The following CTU2 variants were observed in gnomAD, a reference collection of about 807,000 sequenced individuals.
CTU2 encodes cytoplasmic tRNA 2-thiolation protein 2.
In CTU2, 80 loss-of-function variants were observed where a neutral mutation model predicts 64.1. The observed-to-expected ratio is 1.25, with a 90% CI of 1.04 to 1.50. The LOEUF is 1.50. CTU2 is among the 40% of genes most tolerant of loss of function. CTU2 has a pLI of 0.00. For synonymous variants in CTU2, 482 were observed against 285.3 expected (o/e 1.69, Z -6.95); for missense variants, 1,110 against 690.2 (o/e 1.61, Z -6.81).
Position 88,711,666 on chromosome 16 carries a change from G to T in CTU2, c.314G>T (p.Arg105Leu), listed in dbSNP as rs754271225. Residue 105 changes from arginine (R) to leucine (L), a missense_variant, in exon 5 of 15, where the codon CGC becomes CTC. Coordinates refer to ENST00000453996, the MANE Select transcript of CTU2 (RefSeq NM_001012759.3). ...GLSQDSAKRL[R>L]FVAGVIFVDE... ...AGCCAAGATTCTGCCAAAAGACTGC[G>T]CTTTGTGGCAGGAGTCATCTTTGTT... 9.9e-6 allele frequency: 16 copies of T among 1,608,324 alleles called. No homozygotes were observed. The highest frequency in any genetic ancestry group is 1.7e-5 in the Admixed American group (1 of 59,716).
At position 88,712,831 on chromosome 16, in the gene CTU2, G is replaced by T; in HGVS notation, c.663G>T (p.Gln221His). The T allele has an allele frequency of 6.3e-7, 1 of 1,592,224 alleles. No individual in the cohort carries two copies. Among genetic ancestry groups the T allele is most frequent in the South Asian group, 1.1e-5 (1 of 88,324 alleles). Reference protein sequence around the residue: ...QNLARPPAPAQTEALSQLFCS... With the variant: ...QNLARPPAPAHTEALSQLFCS... ...TGGCAAGACCGCCTGCCCCTGCCCA[G>T]ACTGAGGCTCTTTCCCAACTGTTCT... is the stretch of plus-strand genomic sequence containing the variant. The change falls in exon 7 of 15, where the codon CAG becomes CAT. Residue 221 changes from glutamine (Q) to histidine (H), a missense_variant. Gln to His is a conservative substitution (Grantham distance 24). Transcript: ENST00000453996.
intron 1 of CTU2, 103 bp downstream of exon 1, chr16:88,706,701 A>C: frequency 5.9e-6 from 5 of 854,380 alleles, no homozygotes; most frequent in Non-Finnish European, 8.2e-6. Flanking sequence ...CCCCGCGTGG[A>C]GAGCGGGACC....
In CTU2 at chr16:88,712,799, C is replaced by A; in HGVS notation, c.631C>A (p.Gln211Lys). 6.2e-7 allele frequency: 1 copy of A among 1,607,742 alleles called. No homozygotes were observed. Among genetic ancestry groups the A allele is most frequent in the Non-Finnish European group, 8.5e-7 (1 of 1,177,740 alleles). Reference sequence around the variant, plus strand: ...GCCACCCCAGCCCCCGCTGGACCCCCAGAACCTGGCAAGACCGCCTGCCCC... The same window carrying A: ...GCCACCCCAGCCCCCGCTGGACCCCAAGAACCTGGCAAGACCGCCTGCCCC... Reference protein sequence around the residue: ...EQPPQPPLDPQNLARPPAPAQ... With the variant: ...EQPPQPPLDPKNLARPPAPAQ... The change falls in exon 7 of 15, where the codon CAG (glutamine) becomes AAG (lysine). Residue 211 changes from glutamine to lysine, a missense_variant. By Grantham distance (53) the Gln-to-Lys change is moderately conservative. Transcript: ENST00000453996.
chr16:88,711,529 T>C, intron 4 of CTU2, 106 bp from the exon 5 acceptor site: 2 of 1,181,376 alleles, frequency 1.7e-6, no homozygotes, highest in Non-Finnish European at 2.4e-6. Context: ...GGAAGACCAC[T>C]TCACCTTCCA....
chr16:88,706,620 C>G, intron 1 of CTU2, 22 bp downstream of exon 1: 1 of 1,381,678 alleles, frequency 7.2e-7, no homozygotes, highest in Non-Finnish European at 9.3e-7. Flanking sequence ...CGGCCGGACC[C>G]GCCAGGCCGC....
Position 88,710,139 on chromosome 16 carries a change from A to G in CTU2, c.223-84A>G. ...GCTCCTCCTTGGCCTTTGAGGACAG[A>G]CTCGATGTCCTAGATGTCCACGAGG... is the stretch of plus-strand genomic sequence containing the variant. On this transcript the variant is annotated intron_variant, in intron 3 of 14. Coordinates refer to ENST00000453996, the MANE Select transcript of CTU2 (RefSeq NM_001012759.3). 2.5e-6 allele frequency: 4 copies of G among 1,579,572 alleles called. No individual in the cohort carries two copies. The South Asian group carries it at 4.4e-5, about 18-fold the overall frequency.
intron 6 of CTU2, 32 bp downstream of exon 6, chr16:88,712,415 G>T: frequency 6.5e-7 from 1 of 1,543,382 alleles, no homozygotes; most frequent in Non-Finnish European, 8.8e-7. Context: ...AGGGGTCCCG[G>T]AGGTGACCCC....
Position 88,715,053 on chromosome 16 carries a change from A to C in CTU2, c.1425A>C (p.Ser475=). The change falls in exon 14 of 15, where the codon TCA becomes TCC. Residue 475 remains serine (S), a synonymous_variant. Coordinates refer to ENST00000453996, the MANE Select transcript of CTU2 (RefSeq NM_001012759.3). The part of the protein sequence containing the change: ...SCRVNMKDLP[S]LDPLPPYILA... ...GACACCGGCCTCTGTTGCAGCCCTC[A>C]CTGGACCCCCTGCCGCCGTACATCC... The C allele has an allele frequency of 1.3e-6, 2 of 1,573,686 alleles. No individual in the cohort carries two copies. The highest frequency in any genetic ancestry group is 1.3e-5 in the African/African-American group (1 of 74,462).
chr16:88,706,619 C>T (rs916282992), intron 1 of CTU2, 21 bp downstream of exon 1: 14 of 1,381,620 alleles, frequency 1.0e-5, no homozygotes, highest in South Asian at 1.6e-5. Flanking sequence ...GCGGCCGGAC[C>T]CGCCAGGCCG....
At chr16:88,713,837 G>C in intron 9 of CTU2, 59 bp downstream of exon 9, 1 of 1,603,172 alleles carries the variant, frequency 6.2e-7, no homozygotes, top group Admixed American at 1.7e-5. Flanking sequence ...GGCCATGTGG[G>C]CTGGGCAGCC....
At position 88,714,442 on chromosome 16, in the gene CTU2, C is replaced by G; in HGVS notation, c.1157C>G (p.Pro386Arg). The G allele has an allele frequency of 6.2e-7, 1 of 1,612,574 alleles. No individual in the cohort carries two copies. Among genetic ancestry groups the G allele is most frequent in the Non-Finnish European group, 8.5e-7 (1 of 1,179,842 alleles). ...GGCCCTGCTGCTGGCGACTCCGGCC[C>G]CCGCTGCCTCCTCTGCATGTGTGCC... ...RDGPAAGDSG[P>R]RCLLCMCALD... Residue 386 changes from proline to arginine, a missense_variant, in exon 11 of 15, where the codon CCC becomes CGC. By Grantham distance (103) the Pro-to-Arg change is moderately radical (BLOSUM62 -2). Transcript: ENST00000453996.
intron 4 of CTU2, among the ~76,000 whole-genome samples, chr16:88,711,255 A>C (rs1474518237): frequency 6.6e-6 from 1 of 152,064 alleles, no homozygotes; most frequent in Non-Finnish European, 1.5e-5. Context: ...TGCCTCTTGC[A>C]GGCTGTTGGT....
At chr16:88,709,380 C>T (rs1368886597) in intron 2 of CTU2, 4 of 153,082 alleles carry the variant, frequency 2.6e-5, no homozygotes, top group Admixed American at 6.5e-5. Flanking sequence ...ATTCCTGGCC[C>T]AGTTGAGCCC....
rs11549837 is a variant in CTU2, at chr16:88,713,331, A to C, written c.757A>C (p.Met253Leu). 6.4e-7 allele frequency: 1 copy of C among 1,562,578 alleles called. No individual in the cohort carries two copies. The highest frequency in any genetic ancestry group is 1.4e-5 in the African/African-American group (1 of 69,204). Residue 253 changes from methionine (M) to leucine (L), a missense_variant, in exon 8 of 15, where the codon ATG (methionine) becomes CTG (leucine). By Grantham distance (15) the Met-to-Leu change is conservative. Coordinates refer to ENST00000453996, the MANE Select transcript of CTU2 (RefSeq NM_001012759.3). ...QTLRTHLILH[M>L]ARAHGYSKVM... ...CTTTAGGACCCACCTGATCCTCCAC[A>C]TGGCCCGAGCCCACGGCTACTCCAA...
Position 88,709,998 on chromosome 16 carries a change from C to T in CTU2, c.204C>T (p.Leu68=). The change falls in exon 3 of 15, where the codon CTC becomes CTT. Residue 68 remains leucine, a synonymous_variant. Coordinates refer to ENST00000453996, the MANE Select transcript of CTU2 (RefSeq NM_001012759.3). ...KFRAMLGKNR[L]IFPGEKVLLA... is the part of the protein sequence containing the mutation. ...GAGCCATGCTGGGCAAGAACCGGCT[C>T]ATCTTTCCAGGCGAGAAGGTAGCGT... 1 of 1,613,936 alleles carries T rather than the reference C, an allele frequency of 6.2e-7. No individual in the cohort carries two copies. The highest frequency in any genetic ancestry group is 8.5e-7 in the Non-Finnish European group (1 of 1,180,014).
At chr16:88,711,335 A>C (rs1214883820) in intron 4 of CTU2, among the ~76,000 whole-genome samples, 1 of 152,044 alleles carries the variant, frequency 6.6e-6, no homozygotes, top group East Asian at 1.9e-4. Flanking sequence ...GTGGCCCCGT[A>C]ACCCAGCCCC....
In CTU2 at chr16:88,713,426, G is replaced by A. The variant is rs1254579916; in HGVS notation, c.852G>A (p.Gly284=). The A allele has an allele frequency of 4.4e-6, 7 of 1,585,622 alleles. No homozygotes were observed. Among genetic ancestry groups the A allele is most frequent in the South Asian group, 1.2e-5 (1 of 86,908 alleles). The change falls in exon 8 of 15, where the codon GGG becomes GGA. Residue 284 remains glycine, a synonymous_variant. Transcript: ENST00000453996. Reference sequence around the variant, plus strand: ...TGACCAACCTGGCGCTGGGTCGAGGGGCCTTCCTGGCCTGGGATACGGTAG... The same window carrying A: ...TGACCAACCTGGCGCTGGGTCGAGGAGCCTTCCTGGCCTGGGATACGGTAG... ...KLMTNLALGR[G]AFLAWDTGFS...
intron 4 of CTU2, chr16:88,710,555 C>G: frequency 2.1e-6 from 1 of 483,544 alleles, no homozygotes; most frequent in Middle Eastern, 5.6e-4. Context: ...GGCCCACTCT[C>G]AGATGTGTTT....
In CTU2 at chr16:88,713,659, G is replaced by A. The variant is rs751586922; in HGVS notation, c.886G>A (p.Glu296Lys). ...FLAWDTGFSD[E>K]RHGDVVVVRP... ...CTGCCTCCCGCAGGGCTTCTCGGATGAGCGGCACGGGGACGTGGTGGTGGT... is the reference window on the plus strand; with the variant it reads ...CTGCCTCCCGCAGGGCTTCTCGGATAAGCGGCACGGGGACGTGGTGGTGGT... Residue 296 changes from glutamate to lysine, a missense_variant, in exon 9 of 15, where the codon GAG (glutamate) becomes AAG (lysine). Glu to Lys is a moderately conservative substitution (Grantham distance 56). Transcript: ENST00000453996. The A allele has an allele frequency of 4.3e-6, 7 of 1,612,340 alleles. No homozygotes were observed. The highest frequency in any genetic ancestry group is 5.9e-6 in the Non-Finnish European group (7 of 1,179,736).
Sources: gnomAD v4.1 joint callset for allele counts (sites outside exome capture counted in the v4.1 genomes callset) on GRCh38, gnomAD v4.1.1 for gene constraint, MANE v1.5 for transcripts, NCBI Gene and HGNC (gene_info 2026-07-23, HGNC 2026-07-21) for gene names.